SLC1A6: variants seen among roughly 807,000 people sequenced by gnomAD.
SLC1A6 encodes the protein excitatory amino acid transporter 4.
SLC1A6 carries 15 observed loss-of-function variants against 42.1 expected under a neutral mutation model. That is an observed-to-expected ratio of 0.36 (90% CI 0.24 to 0.55). The LOEUF (loss-of-function observed/expected upper bound fraction) is 0.55. Among genes scored for constraint, SLC1A6 ranks in the 20% least tolerant of loss-of-function variants. SLC1A6 has a pLI of 0.88. For missense variants in SLC1A6, 542 were observed against 772.5 expected (o/e 0.70, Z 3.54); for synonymous variants, 317 against 319.7 (o/e 0.99, Z 0.09).
intron 7 of SLC1A6, among the ~76,000 whole-genome samples, chr19:14,956,183 G>A (rs1198111497): frequency 2.6e-5 from 4 of 152,076 alleles, no homozygotes; most frequent in Non-Finnish European, 5.9e-5. Flanking sequence ...CACCCTCTGA[G>A]CTAGGAAATG....
At chr19:14,952,672 C>T (rs959157772) in intron 9 of SLC1A6, among the ~76,000 whole-genome samples, 1 of 152,040 alleles carries the variant, frequency 6.6e-6, no homozygotes, top group African/African-American at 2.4e-5. Context: ...CTACATAAAA[C>T]AGGTAAAAGA....
At chr19:14,982,070 T>A (rs1045482105), upstream of SLC1A6, among the ~76,000 whole-genome samples, 21 of 144,428 alleles carry the variant, frequency 1.5e-4, no homozygotes, top group Admixed American at 2.8e-4. Flanking sequence ...AAAAAAAAAA[T>A]AAAATTTAAA....
chr19:14,994,488 C>T (rs1356186324), intron 1 of SLC1A6, among the ~76,000 whole-genome samples: 1 of 152,118 alleles, frequency 6.6e-6, no homozygotes, highest in African/African-American at 2.4e-5. Flanking sequence ...TTACCCCCTA[C>T]CACACCTTGA....
rs1400272828 is a variant in SLC1A6, at chr19:14,993,066, G to A, written c.6+17419C>T. ...GGTGGGAGGAGGACCAGGTCTCCCC[G>A]TCCTGATCCCCTGTCTTTCATTACC... On this transcript the variant is annotated intron_variant, in intron 1 of 8. Transcript: ENST00000430939. Among the ~76,000 whole-genome samples the A allele has an allele frequency of 2.6e-5, 4 of 152,118 alleles. No individual in the cohort carries two copies. In the East Asian group the frequency reaches 5.8e-4, roughly 22 times the overall value.
intron 1 of SLC1A6, among the ~76,000 whole-genome samples, chr19:15,008,490 A>C (rs2045907363): frequency 6.6e-6 from 1 of 152,190 alleles, no homozygotes; most frequent in Non-Finnish European, 1.5e-5. Context: ...CCTCTAGGGA[A>C]ACAGATGGCA....
At chr19:15,000,609 G>T (rs7254238) in intron 1 of SLC1A6, among the ~76,000 whole-genome samples, 35,816 of 152,020 alleles carry the variant, frequency 0.24, 4,513 homozygotes, top group Non-Finnish European at 0.27. Context: ...TTATCCAACC[G>T]GATGGACTCA....
intron 5 of SLC1A6, chr19:14,964,015 C>A: frequency 9.9e-6 from 2 of 202,496 alleles, no homozygotes; most frequent in Non-Finnish European, 1.9e-5. Context: ...TTTTGAAAGA[C>A]AGAGAGTCTC....
At chr19:14,987,583 C>T (rs980022068) in intron 1 of SLC1A6, among the ~76,000 whole-genome samples, 2 of 152,032 alleles carry the variant, frequency 1.3e-5, no homozygotes, top group Non-Finnish European at 2.9e-5. Flanking sequence ...TCCGAGTGCG[C>T]AGGTGATATT....
At chr19:14,960,337 A>G (rs2045498399) in intron 6 of SLC1A6, among the ~76,000 whole-genome samples, 1 of 152,250 alleles carries the variant, frequency 6.6e-6, no homozygotes, top group African/African-American at 2.4e-5. Flanking sequence ...GAGTAAATAA[A>G]CAGATGAATC....
chr19:14,976,721 A>G (rs1027561266), intron 1 of SLC1A6: 7 of 151,814 alleles, frequency 4.6e-5, no homozygotes, highest in African/African-American at 1.5e-4. Context: ...AGGCTCCCTG[A>G]TATTTTTTCT....
intron 1 of SLC1A6, among the ~76,000 whole-genome samples, chr19:14,992,814 C>T (rs1403614458): frequency 3.9e-5 from 6 of 152,276 alleles, no homozygotes; most frequent in Admixed American, 2.0e-4. Context: ...CTGTCCCAGA[C>T]GACTGCCCCA....
chr19:14,971,634 C>T (rs184285536), intron 3 of SLC1A6, 103 bp downstream of exon 3: 40 of 1,139,920 alleles, frequency 3.5e-5, no homozygotes, highest in African/African-American at 2.9e-4. Flanking sequence ...TTTGAGGTGC[C>T]GCGTCAAGGA....
intron 9 of SLC1A6, among the ~76,000 whole-genome samples, chr19:14,951,338 C>G (rs149079464): frequency 1.1e-3 from 170 of 150,426 alleles, no homozygotes; most frequent in Admixed American, 1.7e-3. Context: ...AACTGAAAAG[C>G]ACATAGAATC....
chr19:14,950,790 TA>T (rs1019904682), intron 9 of SLC1A6, among the ~76,000 whole-genome samples: 3 of 151,570 alleles, frequency 2.0e-5, no homozygotes, highest in African/African-American at 7.3e-5. Flanking sequence ...AGAATAACTT[TA>T]AAACACAGCC....
At chr19:14,990,967 A>ATG (rs970072930) in intron 1 of SLC1A6, among the ~76,000 whole-genome samples, 12 of 152,258 alleles carry the variant, frequency 7.9e-5, no homozygotes, top group Admixed American at 3.9e-4. Flanking sequence ...CCATTCCACA[A>ATG]TGTGTGTGTG....
chr19:14,961,454 G>C (rs945000948), intron 6 of SLC1A6: 2 of 152,314 alleles, frequency 1.3e-5, no homozygotes, highest in African/African-American at 2.4e-5. Context: ...TCAGTGAATG[G>C]CTTGGTCAAT....
At position 14,972,716 on chromosome 19, in the gene SLC1A6, G is replaced by C. The variant is rs1160471173; in HGVS notation, c.195C>G (p.Ala65=). 2.5e-6 allele frequency: 4 copies of C among 1,613,742 alleles called. No individual in the cohort carries two copies. The highest frequency in any genetic ancestry group is 2.5e-6 in the Non-Finnish European group (3 of 1,179,936). Residue 65 remains alanine, a synonymous_variant, in exon 2 of 10, where the codon GCC becomes GCG. Coordinates refer to ENST00000594383, the MANE Select transcript of SLC1A6 (RefSeq NM_005071.3). ...AGAGGCAGAGCTCACCAATGACCACGGCGCTGACCGTCAGCAGAATGAAGG... is the reference window on the plus strand; with the variant it reads ...AGAGGCAGAGCTCACCAATGACCACCGCGCTGACCGTCAGCAGAATGAAGG... ...RNAFILLTVS[A]VVIGVSLAFA... is the part of the protein sequence containing the mutation.
chr19:14,961,629 T>G, intron 6 of SLC1A6: 1 of 188,732 alleles, frequency 5.3e-6, no homozygotes, highest in Non-Finnish European at 1.1e-5. Context: ...ATCAATGCAT[T>G]GAAGCATGAG....
chr19:14,959,654 C>A (rs2045491924), intron 6 of SLC1A6, among the ~76,000 whole-genome samples: 7 of 152,316 alleles, frequency 4.6e-5, no homozygotes, highest in Admixed American at 4.6e-4. Context: ...TCTTCCACCA[C>A]CACTCCCAAC....
Sources: gnomAD v4.1 joint callset for allele counts (sites outside exome capture counted in the v4.1 genomes callset) on GRCh38, gnomAD v4.1.1 for gene constraint, MANE v1.5 for transcripts, NCBI Gene and HGNC (gene_info 2026-07-23, HGNC 2026-07-21) for gene names.